The following SASH1 variants were observed in gnomAD, a reference collection of about 807,000 sequenced individuals.
SASH1 encodes the protein SAM and SH3 domain-containing protein 1.
Under a neutral mutation model 125.2 loss-of-function variants are expected in SASH1, and 44 were observed. The observed-to-expected ratio is 0.35, with a 90% CI of 0.28 to 0.45. The LOEUF (loss-of-function observed/expected upper bound fraction) is 0.45. SASH1 is among the 20% of genes least tolerant of loss of function. The probability of loss-of-function intolerance (pLI) is 1.00; values close to 1 mark genes in which losing one functional copy is unlikely to be tolerated. For missense variants in SASH1, 1,426 were observed against 1,614.5 expected (o/e 0.88, Z 2.00); for synonymous variants, 639 against 649.1 (o/e 0.98, Z 0.24).
In SASH1 at chr6:148,519,518, C is replaced by T; in HGVS notation, c.863-29C>T. Reference sequence around the variant, plus strand: ...GTATGCAAGAATGCAAAGGTGTGTTCACAAGAGACTCTGTTGGTTTCCCTC... The same window carrying T: ...GTATGCAAGAATGCAAAGGTGTGTTTACAAGAGACTCTGTTGGTTTCCCTC... On this transcript the variant is annotated intron_variant, in intron 9 of 19. Coordinates refer to ENST00000367467, the MANE Select transcript of SASH1 (RefSeq NM_015278.5). The surrounding 1 kb of genome is among the most constrained non-coding windows in gnomAD (Gnocchi z 4.8). The T allele has an allele frequency of 6.4e-7, 1 of 1,555,520 alleles. No individual in the cohort carries two copies. Among genetic ancestry groups the T allele is most frequent in the South Asian group, 1.1e-5 (1 of 88,426 alleles).
At chr6:148,488,825 T>G (rs1263658631) in intron 8 of SASH1, among the ~76,000 whole-genome samples, 1 of 152,248 alleles carries the variant, frequency 6.6e-6, no homozygotes, top group Non-Finnish European at 1.5e-5. Flanking sequence ...TATGTTGTTT[T>G]GCTGCTGTTG....
At chr6:148,394,328 A>T (rs1482920650) in intron 2 of SASH1, among the ~76,000 whole-genome samples, 2 of 152,154 alleles carry the variant, frequency 1.3e-5, no homozygotes, top group African/African-American at 4.8e-5. Flanking sequence ...TGTCCATGTT[A>T]GATGTGTTTT....
intron 1 of SASH1, among the ~76,000 whole-genome samples, chr6:148,315,997 G>C (rs6912629): frequency 0.44 from 66,955 of 151,970 alleles, 14,814 homozygotes; most frequent in African/African-American, 0.49. Flanking sequence ...CCAATAGATT[G>C]TTCCCCTCAC....
chr6:148,542,879 TGCGC>T (rs1554273831), intron 17 of SASH1, among the ~76,000 whole-genome samples: 1 of 138,810 alleles, frequency 7.2e-6, no homozygotes, highest in African/African-American at 2.7e-5. Context: ...TGTGTGTGTG[TGCGC>T]GCGCACATGT....
the SASH1 span, among the ~76,000 whole-genome samples, chr6:148,208,995 A>G: frequency 6.6e-6 from 1 of 152,226 alleles, no homozygotes; most frequent in African/African-American, 2.4e-5. Context: ...GATATTGAAC[A>G]CTTATTTAGT....
At chr6:148,373,167 G>A (rs2114754500) in intron 1 of SASH1, among the ~76,000 whole-genome samples, 1 of 152,180 alleles carries the variant, frequency 6.6e-6, no homozygotes, top group Admixed American at 6.5e-5. Flanking sequence ...CTCCAGCCTG[G>A]GCAACAAGAG....
At chr6:148,465,357 G>C (rs1777783902) in intron 4 of SASH1, among the ~76,000 whole-genome samples, 1 of 152,020 alleles carries the variant, frequency 6.6e-6, no homozygotes, top group Non-Finnish European at 1.5e-5. Context: ...TTCAAGTCCA[G>C]CCTGGTCAAC....
At chr6:148,411,648 A>T (rs903897274) in intron 2 of SASH1, among the ~76,000 whole-genome samples, 1 of 152,050 alleles carries the variant, frequency 6.6e-6, no homozygotes, top group African/African-American at 2.4e-5. Flanking sequence ...GGTTCAAGCG[A>T]TTCTTGTGCC....
intron 1 of SASH1, among the ~76,000 whole-genome samples, chr6:148,346,483 C>A (rs1781523829): frequency 9.4e-6 from 1 of 106,154 alleles, no homozygotes; most frequent in Non-Finnish European, 1.8e-5. Flanking sequence ...AGAAAACAAG[C>A]TTGCAAAAAA....
chr6:148,359,472 C>T (rs1782102620), intron 1 of SASH1, among the ~76,000 whole-genome samples: 1 of 152,044 alleles, frequency 6.6e-6, no homozygotes, highest in East Asian at 1.9e-4. Context: ...ATGATTAAAC[C>T]TGAACAGATG....
intron 6 of SASH1, among the ~76,000 whole-genome samples, chr6:148,473,493 A>T (rs1778206791): frequency 6.6e-6 from 1 of 152,164 alleles, no homozygotes; most frequent in South Asian, 2.1e-4. Flanking sequence ...ACCTCAAGTG[A>T]TCCACCTGCC....
chr6:148,470,023 C>A (rs1281515982), intron 5 of SASH1, among the ~76,000 whole-genome samples: 2 of 132,876 alleles, frequency 1.5e-5, no homozygotes, highest in African/African-American at 3.1e-5. Flanking sequence ...AAGACTCTGT[C>A]TCACTAAAAA....
chr6:148,349,885 G>T (rs1481596737), intron 1 of SASH1, among the ~76,000 whole-genome samples: 2 of 148,712 alleles, frequency 1.3e-5, no homozygotes. Context: ...TCGCTCTGTC[G>T]CCCAGGCTGG....
upstream of SASH1, among the ~76,000 whole-genome samples, chr6:148,268,285 C>T (rs1395901286): frequency 6.6e-6 from 1 of 152,130 alleles, no homozygotes; most frequent in Non-Finnish European, 1.5e-5. Context: ...GAGAGCTGAC[C>T]TCCAGGTGGT....
At chr6:148,397,026 G>A (rs569278059) in intron 2 of SASH1, among the ~76,000 whole-genome samples, 3 of 152,172 alleles carry the variant, frequency 2.0e-5, no homozygotes, top group African/African-American at 7.2e-5. Context: ...GTGAGTGCAG[G>A]GATTTTTTTA....
Position 148,514,457 on chromosome 6 carries a change from G to GAAAAAAA in SASH1, c.862+1_862+2insAAAAAAA. 4.7e-6 allele frequency: 1 copy of GAAAAAAA among 213,842 alleles called. No individual in the cohort carries two copies. Among genetic ancestry groups the GAAAAAAA allele is most frequent in the Non-Finnish European group, 6.3e-6 (1 of 158,180 alleles). The allele number at this position is 213,842 out of a possible 1,614,324, so 13.2% of individuals were successfully genotyped here. ...GAAATGAAAAAACCCAGCACTGAAGGTAAAAAAAAAAAAAAAAAAAAAAAA... is the reference window on the plus strand; with the variant it reads ...GAAATGAAAAAACCCAGCACTGAAGGAAAAAAATAAAAAAAAAAAAAAAAAAAAAAAA... On this transcript the variant is annotated splice_donor_variant, in intron 9 of 19. Coordinates refer to ENST00000367467, the MANE Select transcript of SASH1 (RefSeq NM_015278.5). LOFTEE classifies it high-confidence loss of function.
chr6:148,456,774 G>GGATC (rs1777372174), intron 4 of SASH1, among the ~76,000 whole-genome samples: 1 of 151,612 alleles, frequency 6.6e-6, no homozygotes, highest in Non-Finnish European at 1.5e-5. Flanking sequence ...GGAGGTGGGA[G>GGATC]GATCACCTGA....
At chr6:148,259,186 G>A in the SASH1 span, among the ~76,000 whole-genome samples, 3 of 152,124 alleles carry the variant, frequency 2.0e-5, no homozygotes, top group Admixed American at 2.0e-4. Context: ...AGGAGAGCTT[G>A]GAATCACTCC....
At position 148,290,253 on chromosome 6, in the gene SASH1, AT is replaced by A. The variant is rs1276911131; in HGVS notation, n.74+17878del. ...ACACCCTTTAGCCTTTACGTCTTTG[AT>A]TCCCAAATATATGAGGAAAATTTCT... is the stretch of plus-strand genomic sequence containing the variant. On this transcript the variant is annotated intron_variant and non_coding_transcript_variant, in intron 1 of 3. Coordinates refer to the SASH1 transcript ENST00000367469. Among the ~76,000 whole-genome samples, 6 of 151,824 alleles carry A rather than the reference AT, an allele frequency of 4.0e-5. No individual in the cohort carries two copies. The East Asian group carries it at 1.2e-3, about 30-fold the overall frequency.
Sources: gnomAD v4.1 joint callset for allele counts (sites outside exome capture counted in the v4.1 genomes callset) on GRCh38, gnomAD v4.1.1 for gene constraint, Gnocchi (gnomAD v3.1) non-coding constraint, MANE v1.5 for transcripts, NCBI Gene and HGNC (gene_info 2026-07-23, HGNC 2026-07-21) for gene names.